The following MDH1B variants were observed in gnomAD, a reference collection of about 807,000 sequenced individuals.
MDH1B encodes putative malate dehydrogenase 1B.
Under a neutral mutation model 61.4 loss-of-function variants are expected in MDH1B, and 60 were observed. The observed-to-expected ratio is 0.98, with a 90% confidence interval of 0.79 to 1.21. The LOEUF (loss-of-function observed/expected upper bound fraction) is 1.21, where lower values mean the gene tolerates loss of function less well. Ranked by LOEUF, MDH1B falls within the 50% of genes most tolerant of loss-of-function variation. The pLI is 0.00. For missense variants in MDH1B, 587 were observed against 632.1 expected (o/e 0.93, Z 0.76); for synonymous variants, 236 against 218.7 (o/e 1.08, Z -0.70).
intron 11 of MDH1B, 71 bp downstream of exon 11, chr2:206,739,522 T>A: frequency 7.3e-7 from 1 of 1,372,062 alleles, no homozygotes; most frequent in South Asian, 1.2e-5. Flanking sequence ...TGCAAGGAAA[T>A]TTGATCCTCT....
At chr2:206,744,132 C>A (rs575604444) in intron 9 of MDH1B, among the ~76,000 whole-genome samples, 1 of 152,310 alleles carries the variant, frequency 6.6e-6, no homozygotes, top group Admixed American at 6.5e-5. Flanking sequence ...TTTTTCCAAA[C>A]AAGTTGATAT....
At chr2:206,749,367 G>A (rs1173992351) in intron 6 of MDH1B, among the ~76,000 whole-genome samples, 184 bp from the exon 7 acceptor site, 1 of 152,118 alleles carries the variant, frequency 6.6e-6, no homozygotes, top group Non-Finnish European at 1.5e-5. Context: ...TTGAAAAATA[G>A]TGAAATGTAG....
chr2:206,761,082 G>A, intron 1 of MDH1B, 69 bp from the exon 2 acceptor site: 1 of 817,056 alleles, frequency 1.2e-6, no homozygotes, highest in South Asian at 1.8e-5. Flanking sequence ...CTAAGTATTT[G>A]CTATGTAATT....
chr2:206,760,518 T>G (rs1689028767), intron 2 of MDH1B, among the ~76,000 whole-genome samples: 1 of 152,078 alleles, frequency 6.6e-6, no homozygotes, highest in Non-Finnish European at 1.5e-5. Flanking sequence ...GTAAAGCCCC[T>G]TCACCAAAAT....
Position 206,760,993 on chromosome 2 carries a change from A to G in MDH1B, c.43T>C (p.Tyr15His). 1 of 1,604,222 alleles carries G rather than the reference A, an allele frequency of 6.2e-7. No individual in the cohort carries two copies. Among genetic ancestry groups the G allele is most frequent in the Non-Finnish European group, 8.5e-7 (1 of 1,171,574 alleles). ...TCTGCCACAAGTTCTGTTTTAGCAT[A>G]ATATGGACAATCTGCTCTACCTAAA... ...VIAGRADCPY[Y>H]AKTELVADYL... Residue 15 changes from tyrosine to histidine, a missense_variant, in exon 2 of 12, where the codon TAT becomes CAT. By Grantham distance (83) the Tyr-to-His change is moderately conservative. Transcript: ENST00000374412.
chr2:206,749,087 A>T lies in MDH1B; in HGVS notation c.1149T>A (p.Thr383=). 1.2e-6 allele frequency: 2 copies of T among 1,613,678 alleles called. No homozygotes were observed. The highest frequency in any genetic ancestry group is 1.7e-6 in the Non-Finnish European group (2 of 1,179,556). The stretch of plus-strand genomic sequence containing the variant: ...AGCCATGGTACCAGTATTTCAGTGT[A>T]GTGGCTATACTGTGTGCAGCCAAAA... ...GGILAAHSIA[T]TLKYWYHGSP... is the part of the protein sequence containing the mutation. Residue 383 remains threonine, a synonymous_variant, in exon 7 of 12, where the codon ACT becomes ACA. Transcript: ENST00000374412.
In MDH1B at chr2:206,755,318, C is replaced by T. The variant is rs746928890; in HGVS notation, c.601G>A (p.Val201Met). 3.7e-6 allele frequency: 6 copies of T among 1,614,106 alleles called. No individual in the cohort carries two copies. The highest frequency in any genetic ancestry group is 3.4e-6 in the Non-Finnish European group (4 of 1,180,036). The change falls in exon 5 of 12, where the codon GTG (valine) becomes ATG (methionine). Residue 201 changes from valine (V) to methionine (M), a missense_variant. By Grantham distance (21) the Val-to-Met change is conservative (BLOSUM62 1). Coordinates refer to ENST00000374412, the MANE Select transcript of MDH1B (RefSeq NM_001039845.3). Reference sequence around the variant, plus strand: ...TGGGCCTGGCGGAAGGCCTCCTCCACCTTCGTGCAGATGGAGACACTGCGC... The same window carrying T: ...TGGGCCTGGCGGAAGGCCTCCTCCATCTTCGTGCAGATGGAGACACTGCGC... ...VLRSVSICTK[V>M]EEAFRQAHVI...
chr2:206,747,259 A>G (rs1284763069), intron 7 of MDH1B, among the ~76,000 whole-genome samples: 5 of 152,306 alleles, frequency 3.3e-5, no homozygotes, highest in Non-Finnish European at 7.4e-5. Context: ...GTCCTCAAGT[A>G]ATGCTGTATT....
At chr2:206,747,634 G>A (rs1688191567) in intron 7 of MDH1B, among the ~76,000 whole-genome samples, 1 of 152,166 alleles carries the variant, frequency 6.6e-6, no homozygotes, top group African/African-American at 2.4e-5. Context: ...GGTGCCACAA[G>A]GAAGGGGACA....
chr2:206,742,428 A>T (rs1687863346), intron 9 of MDH1B, among the ~76,000 whole-genome samples: 1 of 152,186 alleles, frequency 6.6e-6, no homozygotes, highest in African/African-American at 2.4e-5. Flanking sequence ...CAGCTTCCCC[A>T]TACCCAGTAG....
At chr2:206,740,695 C>T (rs765790635) in intron 10 of MDH1B, among the ~76,000 whole-genome samples, 31 of 152,120 alleles carry the variant, frequency 2.0e-4, no homozygotes, top group Admixed American at 9.2e-4. Flanking sequence ...TCGGTCTTTT[C>T]CTCTCACCTG....
At chr2:206,748,882 G>T in intron 7 of MDH1B, 138 bp downstream of exon 7, 1 of 646,382 alleles carries the variant, frequency 1.5e-6, no homozygotes, top group Non-Finnish European at 2.6e-6. Flanking sequence ...TTGAATGAAT[G>T]AATGAGTATG....
At position 206,755,291 on chromosome 2, in the gene MDH1B, C is replaced by A. The variant is rs139395839; in HGVS notation, c.628G>T (p.Val210Phe). 1 of 1,614,076 alleles carries A rather than the reference C, an allele frequency of 6.2e-7. No homozygotes were observed. Among genetic ancestry groups the A allele is most frequent in the Non-Finnish European group, 8.5e-7 (1 of 1,180,046 alleles). ...KVEEAFRQAHVIVVLDDSTNK... is the reference protein window; with the variant it reads ...KVEEAFRQAHFIVVLDDSTNK... ...GTGCTGTCATCCAGCACCACAATGA[C>A]GTGGGCCTGGCGGAAGGCCTCCTCC... The change falls in exon 5 of 12, where the codon GTC becomes TTC. Residue 210 changes from valine (V) to phenylalanine (F), a missense_variant. Transcript: ENST00000374412.
chr2:206,756,903 G>A lies in MDH1B; in HGVS notation c.408C>T (p.Ile136=), dbSNP rs766925778. The A allele has an allele frequency of 6.2e-7, 1 of 1,614,106 alleles. No homozygotes were observed. The highest frequency in any genetic ancestry group is 1.7e-5 in the Admixed American group (1 of 60,012). The change falls in exon 4 of 12, where the codon ATC becomes ATT. Residue 136 remains isoleucine, a synonymous_variant. Transcript: ENST00000374412. The part of the protein sequence containing the change: ...KTCINPLQVW[I]TSASAPACYN... ...CTGGGATTTGACTGTCCCACCTGGT[G>A]ATCCAGACCTGCAAGGGGTTGATGC...
chr2:206,756,798 G>T, intron 4 of MDH1B, 100 bp downstream of exon 4: 1 of 1,329,524 alleles, frequency 7.5e-7, no homozygotes, highest in South Asian at 1.4e-5. Flanking sequence ...TTTCAAACCT[G>T]ACATTCAGGT....
At chr2:206,738,596 G>C (rs1288154672) in intron 11 of MDH1B, 85 bp from the exon 12 acceptor site, 1 of 951,556 alleles carries the variant, frequency 1.1e-6, no homozygotes, top group Non-Finnish European at 1.6e-6. Flanking sequence ...TTGTTTGCTG[G>C]ATTCCTGTAT....
chr2:206,760,502 T>A lies in MDH1B; in HGVS notation c.135+399A>T, dbSNP rs547456954. ...TTCAGGATGCTGTTCCCAAGACCAC[T>A]TCCCAGTAAAGCCCCTTCACCAAAA... On this transcript the variant is annotated intron_variant, in intron 2 of 11. Transcript: ENST00000374412. 2.0e-5 allele frequency among the ~76,000 whole-genome samples: 3 copies of A among 152,236 alleles called. No homozygotes were observed. In the South Asian group the frequency reaches 6.2e-4, roughly 32 times the overall value.
At position 206,757,222 on chromosome 2, in the gene MDH1B, A is replaced by G. The variant is rs770408438; in HGVS notation, c.270+15T>C. On this transcript the variant is annotated intron_variant, in intron 3 of 11. Coordinates refer to ENST00000374412, the MANE Select transcript of MDH1B (RefSeq NM_001039845.3). Reference sequence around the variant, plus strand: ...AGAATTATCATTATTAGAACAGATAAGTTAACTTATATACCTGAGCATGCT... The same window carrying G: ...AGAATTATCATTATTAGAACAGATAGGTTAACTTATATACCTGAGCATGCT... 6.2e-7 allele frequency: 1 copy of G among 1,602,710 alleles called. No individual in the cohort carries two copies. Among genetic ancestry groups the G allele is most frequent in the Non-Finnish European group, 8.5e-7 (1 of 1,175,554 alleles).
intron 2 of MDH1B, among the ~76,000 whole-genome samples, chr2:206,759,987 T>C (rs1041518245): frequency 6.6e-6 from 1 of 152,198 alleles, no homozygotes; most frequent in Non-Finnish European, 1.5e-5. Context: ...GTGGAGACTA[T>C]AGTTCATTTG....
Sources: allele counts gnomAD v4.1 joint callset (sites outside exome capture counted in the v4.1 genomes callset), GRCh38; gene constraint gnomAD v4.1.1; transcripts MANE v1.5; gene names NCBI Gene and HGNC (gene_info 2026-07-23, HGNC 2026-07-21).